The following KCND2 variants were observed in gnomAD, a reference collection of about 807,000 sequenced individuals.
KCND2 encodes the protein potassium voltage-gated channel subfamily D member 2.
In KCND2, 16 loss-of-function variants were observed where a neutral mutation model predicts 54.4. That is an observed-to-expected ratio of 0.29 (90% CI 0.20 to 0.45). The LOEUF is 0.45. KCND2 is among the 20% of genes least tolerant of loss of function. The pLI is 1.00. For synonymous variants in KCND2, 317 were observed against 310.7 expected, an observed-to-expected ratio of 1.02 and a Z score of -0.21; for missense variants, 486 against 824.2, an observed-to-expected ratio of 0.59 and a Z score of 5.02.
intron 1 of KCND2, among the ~76,000 whole-genome samples, chr7:120,496,209 T>G (rs1485096262): frequency 6.6e-6 from 1 of 152,090 alleles, no homozygotes; most frequent in East Asian, 1.9e-4. Context: ...GAAGTTGCCC[T>G]GATGAGTTTG....
intron 1 of KCND2, among the ~76,000 whole-genome samples, chr7:120,530,958 C>T (rs1313505819): frequency 6.6e-6 from 1 of 152,008 alleles, no homozygotes; most frequent in African/African-American, 2.4e-5. Flanking sequence ...ATGTTCTTTG[C>T]CTGTTTTTTC....
chr7:120,422,377 A>C (rs778283885), intron 1 of KCND2, among the ~76,000 whole-genome samples: 8 of 152,044 alleles, frequency 5.3e-5, no homozygotes, highest in Admixed American at 6.6e-5. Flanking sequence ...CTTCATCCAC[A>C]CAGTTATCCT....
intron 1 of KCND2, among the ~76,000 whole-genome samples, chr7:120,415,068 A>G (rs751649621): frequency 1.3e-5 from 2 of 152,200 alleles, no homozygotes; most frequent in African/African-American, 4.8e-5. Flanking sequence ...TAGCTTAGCT[A>G]GTAACAATAA....
chr7:120,628,461 C>T (rs1272100353), intron 1 of KCND2, among the ~76,000 whole-genome samples: 1 of 152,006 alleles, frequency 6.6e-6, no homozygotes, highest in Non-Finnish European at 1.5e-5. Flanking sequence ...TTAGCTGCAA[C>T]ACTGCCAACC....
chr7:120,423,664 T>C (rs1271886026), intron 1 of KCND2, among the ~76,000 whole-genome samples: 1 of 152,200 alleles, frequency 6.6e-6, no homozygotes, highest in Non-Finnish European at 1.5e-5. Context: ...TTCTTTTACC[T>C]TCCTTGACAG....
At chr7:120,511,431 G>C (rs1452827996) in intron 1 of KCND2, among the ~76,000 whole-genome samples, 2 of 151,974 alleles carry the variant, frequency 1.3e-5, no homozygotes, top group African/African-American at 4.8e-5. Context: ...TCTAGCACCT[G>C]GCTCACAGTA....
chr7:120,459,493 A>T (rs1274316685), intron 1 of KCND2, among the ~76,000 whole-genome samples: 1 of 152,128 alleles, frequency 6.6e-6, no homozygotes, highest in East Asian at 1.9e-4. Flanking sequence ...TTTCCATAAC[A>T]TTATCACTTT....
intron 1 of KCND2, among the ~76,000 whole-genome samples, chr7:120,611,882 A>G (rs560893447): frequency 6.6e-6 from 1 of 152,312 alleles, no homozygotes; most frequent in South Asian, 2.1e-4. Context: ...TCATAGGAAG[A>G]AATCTTTGGC....
chr7:120,430,999 A>G lies in KCND2; in HGVS notation c.1115+155252A>G, dbSNP rs141523074. Among the ~76,000 whole-genome samples, 1,244 of 152,328 alleles carry G rather than the reference A, an allele frequency of 8.2e-3. 13 individuals carry two copies. Among genetic ancestry groups the G allele is most frequent in the African/African-American group, 0.028 (1,180 of 41,576 alleles). On this transcript the variant is annotated intron_variant, in intron 1 of 5. Transcript: ENST00000331113. The stretch of plus-strand genomic sequence containing the variant: ...CAATAAATATATCACACATAACCTT[A>G]AGCTCTTTGGGTTCTCAATAATTTC...
intron 1 of KCND2, among the ~76,000 whole-genome samples, chr7:120,714,887 T>C (rs2116081220): frequency 1.3e-5 from 2 of 152,146 alleles, no homozygotes; most frequent in South Asian, 4.1e-4. Flanking sequence ...CCACACACAC[T>C]TTTCAAGTTA....
intron 1 of KCND2, among the ~76,000 whole-genome samples, chr7:120,351,905 G>A (rs1800413941): frequency 2.0e-5 from 3 of 151,154 alleles, no homozygotes; most frequent in Non-Finnish European, 2.9e-5. Context: ...TCTGCCTCCC[G>A]GGTTCAAGCA....
chr7:120,720,494 C>A (rs1211975049), intron 1 of KCND2, among the ~76,000 whole-genome samples: 2 of 152,110 alleles, frequency 1.3e-5, no homozygotes, highest in Non-Finnish European at 2.9e-5. Flanking sequence ...CAGCAGACTG[C>A]ATCTCCCAAG....
intron 1 of KCND2, among the ~76,000 whole-genome samples, chr7:120,521,295 A>G (rs1791688325): frequency 6.6e-6 from 1 of 152,138 alleles, no homozygotes; most frequent in African/African-American, 2.4e-5. Flanking sequence ...TTCAGACTGC[A>G]ATGTAAGATG....
At chr7:120,521,488 T>C (rs1479727807) in intron 1 of KCND2, among the ~76,000 whole-genome samples, 1 of 152,158 alleles carries the variant, frequency 6.6e-6, no homozygotes, top group Non-Finnish European at 1.5e-5. Context: ...TTATTTTTGA[T>C]TAAATATTCA....
intron 1 of KCND2, among the ~76,000 whole-genome samples, chr7:120,427,276 C>T (rs554186276): frequency 6.6e-6 from 1 of 152,262 alleles, no homozygotes; most frequent in South Asian, 2.1e-4. Context: ...TAGTTTATAT[C>T]TCTCACCCTT....
At chr7:120,281,283 A>G (rs1799257412) in intron 1 of KCND2, among the ~76,000 whole-genome samples, 1 of 151,284 alleles carries the variant, frequency 6.6e-6, no homozygotes, top group Non-Finnish European at 1.5e-5. Flanking sequence ...TCTACTCTCC[A>G]TATGTCTTAT....
intron 1 of KCND2, among the ~76,000 whole-genome samples, chr7:120,530,816 G>A (rs1791834455): frequency 6.6e-6 from 1 of 151,936 alleles, no homozygotes. Flanking sequence ...GCAATTCGTT[G>A]ACACTACCGT....
chr7:120,349,414 C>T (rs905079085), intron 1 of KCND2, among the ~76,000 whole-genome samples: 4 of 152,086 alleles, frequency 2.6e-5, no homozygotes, highest in Non-Finnish European at 4.4e-5. Context: ...GGAATTAATG[C>T]ACCTGTCTTT....
At chr7:120,310,343 C>G (rs1296042380) in intron 1 of KCND2, among the ~76,000 whole-genome samples, 13 of 152,004 alleles carry the variant, frequency 8.6e-5, no homozygotes, top group Admixed American at 8.5e-4. Flanking sequence ...AGTAGCACAC[C>G]ATATGTTATT....
Sources: gnomAD v4.1 joint callset for allele counts (sites outside exome capture counted in the v4.1 genomes callset) on GRCh38, gnomAD v4.1.1 for gene constraint, MANE v1.5 for transcripts, NCBI Gene and HGNC (gene_info 2026-07-23, HGNC 2026-07-21) for gene names.